Variants in NEDD4L observed in about 807,000 individuals in gnomAD.
NEDD4L encodes the protein E3 ubiquitin-protein ligase NEDD4-like.
Under a neutral mutation model 148.9 loss-of-function variants are expected in NEDD4L, and 54 were observed. The ratio of observed to expected loss-of-function variants is 0.36; its 90% CI spans 0.29 to 0.45. The LOEUF is 0.45. Among genes scored for constraint, NEDD4L ranks in the 20% least tolerant of loss-of-function variants. The pLI, the probability that NEDD4L is intolerant of heterozygous loss-of-function variation, is 1.00. For synonymous variants in NEDD4L, 433 were observed against 440.7 expected (o/e 0.98, Z 0.22); for missense variants, 856 against 1,233.8 (o/e 0.69, Z 4.59).
intron 1 of NEDD4L, among the ~76,000 whole-genome samples, chr18:58,122,744 T>C (rs918507480): frequency 1.3e-5 from 2 of 148,852 alleles, no homozygotes; most frequent in African/African-American, 4.9e-5. Context: ...TTTCTTTTTC[T>C]TTTTTTTTTG....
At chr18:58,298,667 T>C (rs1655225602) in intron 5 of NEDD4L, among the ~76,000 whole-genome samples, 1 of 152,218 alleles carries the variant, frequency 6.6e-6, no homozygotes, top group Admixed American at 6.5e-5. Context: ...TGGGCTCCCT[T>C]TAGTGCAGCA....
At position 58,245,476 on chromosome 18, in the gene NEDD4L, C is replaced by G; in HGVS notation, c.172C>G (p.Leu58Val). ...GTACGTAGCGGATGAGAATAGAGAACTTGCTTTGGTCCAGACAAAAACAAT... is the reference window on the plus strand; with the variant it reads ...GTACGTAGCGGATGAGAATAGAGAAGTTGCTTTGGTCCAGACAAAAACAAT... The part of the protein sequence containing the change: ...SLYVADENRE[L>V]ALVQTKTIKK... Residue 58 changes from leucine (L) to valine (V), a missense_variant, in exon 3 of 31, where the codon CTT becomes GTT. By Grantham distance (32) the Leu-to-Val change is conservative. Coordinates refer to ENST00000400345, the MANE Select transcript of NEDD4L (RefSeq NM_001144967.3). 6.3e-7 allele frequency: 1 copy of G among 1,584,914 alleles called. No individual in the cohort carries two copies. Among genetic ancestry groups the G allele is most frequent in the Non-Finnish European group, 8.6e-7 (1 of 1,159,580 alleles).
chr18:58,330,623 G>T (rs2059711387), intron 10 of NEDD4L, 115 bp from the exon 11 acceptor site: 1 of 701,028 alleles, frequency 1.4e-6, no homozygotes, highest in Non-Finnish European at 2.2e-6. Context: ...GAGGCACTTA[G>T]TAGGTGTTAA....
At chr18:58,177,581 G>A (rs1264555171) in intron 2 of NEDD4L, among the ~76,000 whole-genome samples, 1 of 152,158 alleles carries the variant, frequency 6.6e-6, no homozygotes, top group Non-Finnish European at 1.5e-5. Context: ...ATCCTCAGTG[G>A]GTGCAGCTTT....
At chr18:58,149,472 C>G (rs2034442452) in intron 1 of NEDD4L, 1 of 1,549,522 alleles carries the variant, frequency 6.5e-7, no homozygotes, top group African/African-American at 1.4e-5. Flanking sequence ...TCAGAACTTG[C>G]TCTGCCCTTG....
chr18:58,066,314 C>T (rs148631284), intron 1 of NEDD4L, among the ~76,000 whole-genome samples: 18 of 148,824 alleles, frequency 1.2e-4, no homozygotes, highest in African/African-American at 2.7e-4. Context: ...AGAGTGATCT[C>T]GTTGAATGCT....
chr18:58,234,102 T>TTTC (rs1158163084), intron 2 of NEDD4L, among the ~76,000 whole-genome samples: 24,676 of 74,090 alleles, frequency 0.33, 2,721 homozygotes, highest in Non-Finnish European at 0.37. Flanking sequence ...TCTTTCTTTC[T>TTTC]TTTCTTTTCT....
intron 1 of NEDD4L, among the ~76,000 whole-genome samples, chr18:58,065,475 A>C (rs2082546363): frequency 6.6e-6 from 1 of 152,198 alleles, no homozygotes; most frequent in Admixed American, 6.5e-5. Context: ...TTGCCTTTAA[A>C]AATTTCTTTT....
intron 27 of NEDD4L, 98 bp downstream of exon 27, chr18:58,387,596 C>T (rs891790828): frequency 1.4e-5 from 18 of 1,270,920 alleles, no homozygotes; most frequent in Non-Finnish European, 1.9e-5. Flanking sequence ...TCCATAATGT[C>T]CTAGAGAGTA....
At chr18:58,141,226 G>A (rs2033464820) in intron 1 of NEDD4L, among the ~76,000 whole-genome samples, 1 of 152,134 alleles carries the variant, frequency 6.6e-6, no homozygotes, top group Non-Finnish European at 1.5e-5. Context: ...ACCTGGCGGG[G>A]GATGTGGTAG....
At chr18:58,257,668 G>A (rs561251582) in intron 5 of NEDD4L, among the ~76,000 whole-genome samples, 2 of 152,274 alleles carry the variant, frequency 1.3e-5, no homozygotes, top group Non-Finnish European at 2.9e-5. Flanking sequence ...CTCCCTTTCA[G>A]TGAAATGGAG....
intron 5 of NEDD4L, among the ~76,000 whole-genome samples, chr18:58,308,394 C>G (rs2057303767): frequency 6.6e-6 from 1 of 152,190 alleles, no homozygotes; most frequent in South Asian, 2.1e-4. Context: ...CTGTCAGTGG[C>G]ATTTGTGCAG....
chr18:58,139,231 A>G (rs1438385068), intron 1 of NEDD4L, among the ~76,000 whole-genome samples: 3 of 152,060 alleles, frequency 2.0e-5, no homozygotes. Context: ...TGGACTTGGG[A>G]GGAGAGGATA....
chr18:58,104,941 A>G (rs77748950), intron 1 of NEDD4L, among the ~76,000 whole-genome samples: 2,453 of 151,838 alleles, frequency 0.016, 63 homozygotes, highest in African/African-American at 0.056. Flanking sequence ...GTCTTCTACA[A>G]TAGAAAAAGA....
At position 58,162,880 on chromosome 18, in the gene NEDD4L, A is replaced by G. The variant is rs370622887; in HGVS notation, c.49-2908A>G. Among the ~76,000 whole-genome samples the G allele has an allele frequency of 8.5e-5, 13 of 152,106 alleles. No individual in the cohort carries two copies. The East Asian group carries it at 1.9e-3, about 23-fold the overall frequency. On this transcript the variant is annotated intron_variant, in intron 1 of 30. Transcript: ENST00000400345. ...GGAGTTCAAGACCAGCTTGGGCAAC[A>G]TGGTGAAACCCCATCTCTACTAAAA...
intron 5 of NEDD4L, chr18:58,255,762 G>A (rs1262829299): frequency 2.4e-6 from 3 of 1,232,458 alleles, no homozygotes; most frequent in Non-Finnish European, 3.0e-6. Context: ...CTACCGCGGA[G>A]AAGCAGCCCG....
At chr18:58,052,831 T>C (rs2081936224) in intron 1 of NEDD4L, among the ~76,000 whole-genome samples, 1 of 152,072 alleles carries the variant, frequency 6.6e-6, no homozygotes, top group Non-Finnish European at 1.5e-5. Context: ...CTGGGCGTCG[T>C]GGCGTGCCCC....
intron 23 of NEDD4L, chr18:58,371,885 C>T (rs1601811756): frequency 6.6e-6 from 1 of 152,158 alleles, no homozygotes; most frequent in East Asian, 1.9e-4. Context: ...ACAGTTAGTG[C>T]CTAAAGTACA....
At chr18:58,157,094 G>A (rs2035594441) in intron 1 of NEDD4L, among the ~76,000 whole-genome samples, 1 of 151,494 alleles carries the variant, frequency 6.6e-6, no homozygotes, top group Admixed American at 6.6e-5. Context: ...AGGCTAAGGT[G>A]GGAGGATTGC....
Sources: gnomAD v4.1 joint callset for allele counts (sites outside exome capture counted in the v4.1 genomes callset) on GRCh38, gnomAD v4.1.1 for gene constraint, MANE v1.5 for transcripts, NCBI Gene and HGNC (gene_info 2026-07-23, HGNC 2026-07-21) for gene names.